ZFP64: variants seen among roughly 807,000 people sequenced by gnomAD.
ZFP64 encodes zinc finger protein 64.
In ZFP64, 14 loss-of-function variants were observed where a neutral mutation model predicts 51.6. That is an observed-to-expected ratio of 0.27 (90% CI 0.18 to 0.42). ZFP64 has a LOEUF of 0.42. ZFP64 is among the 10% of genes least tolerant of loss of function. The pLI, the probability that ZFP64 is intolerant of heterozygous loss-of-function variation, is 1.00. For synonymous variants in ZFP64, 375 were observed against 361.4 expected (o/e 1.04, Z -0.43); for missense variants, 754 against 906.8 (o/e 0.83, Z 2.16).
chr20:52,101,474 A>T (rs2079049854), intron 5 of ZFP64, among the ~76,000 whole-genome samples: 1 of 152,220 alleles, frequency 6.6e-6, no homozygotes, highest in Non-Finnish European at 1.5e-5. Flanking sequence ...GGCTCAAGCC[A>T]TCCTCCTACC....
At chr20:52,141,433 T>C (rs1289637341) in intron 5 of ZFP64, among the ~76,000 whole-genome samples, 1 of 152,158 alleles carries the variant, frequency 6.6e-6, no homozygotes, top group Admixed American at 6.5e-5. Context: ...TTCATGATTC[T>C]TGGGGGGAGG....
chr20:52,186,633 C>A lies in ZFP64; in HGVS notation c.286+199G>T, dbSNP rs568045670. On this transcript the variant is annotated intron_variant, in intron 2 of 5. Transcript: ENST00000216923. ...TTTTGTAACGTGACAACATTTATAA[C>A]TGCTAACAGTTAATGTTTTAACCTA... Among the ~76,000 whole-genome samples the A allele has an allele frequency of 3.5e-4, 53 of 151,724 alleles. No homozygotes were observed. The South Asian group carries it at 3.5e-3, about 10-fold the overall frequency.
At chr20:52,105,174 G>C (rs761296899) in intron 5 of ZFP64, 1 of 1,439,904 alleles carries the variant, frequency 6.9e-7, no homozygotes, top group Non-Finnish European at 9.0e-7. Flanking sequence ...GCACACTCCC[G>C]GCGCGCAGGC....
chr20:52,121,512 A>C (rs1011950573), intron 5 of ZFP64, among the ~76,000 whole-genome samples: 1 of 152,204 alleles, frequency 6.6e-6, no homozygotes, highest in African/African-American at 2.4e-5. Context: ...CCCTACCTCT[A>C]CTTAAGTCTA....
intron 5 of ZFP64, among the ~76,000 whole-genome samples, chr20:52,113,038 T>C (rs1978676707): frequency 6.6e-6 from 1 of 152,090 alleles, no homozygotes; most frequent in African/African-American, 2.4e-5. Context: ...CAAAGAGGTA[T>C]AAAACTAGAC....
At position 52,191,611 on chromosome 20, in the gene ZFP64, C is replaced by T; in HGVS notation, c.26G>A (p.Ser9Asn). Residue 9 changes from serine (S) to asparagine (N), a missense_variant, in exon 1 of 6, where the codon AGC (serine) becomes AAC (asparagine). Transcript: ENST00000216923. The surrounding 1 kb of genome is among the most constrained non-coding windows in gnomAD (Gnocchi z 4.3). ...CTTACTTTGCACCGAGCCCGCGAAG[C>T]TCTCGCCCTCGCTGCTCGCGTTCAT... MNASSEGESFAGSVQIPGG... is the reference protein window; with the variant it reads MNASSEGENFAGSVQIPGG... The T allele has an allele frequency of 1.3e-6, 2 of 1,590,000 alleles. No homozygotes were observed. The highest frequency in any genetic ancestry group is 1.7e-6 in the Non-Finnish European group (2 of 1,170,948).
intron 2 of ZFP64, among the ~76,000 whole-genome samples, chr20:52,182,508 CAGG>C: frequency 6.6e-6 from 1 of 152,322 alleles, no homozygotes; most frequent in Admixed American, 6.5e-5. Context: ...CATTTCAGCC[CAGG>C]AGTTCAAGAC....
At chr20:52,109,780 CA>C (rs779914417) in intron 5 of ZFP64, among the ~76,000 whole-genome samples, 971 of 46,150 alleles carry the variant, frequency 0.021, 2 homozygotes, top group East Asian at 0.061. Context: ...AATTCCACCT[CA>C]AAAAAAAAAA....
rs763350240 is a variant in ZFP64, at chr20:52,191,683, G to A, written c.-47C>T. 2.3e-5 allele frequency: 36 copies of A among 1,558,868 alleles called. No homozygotes were observed. Among genetic ancestry groups the A allele is most frequent in the Non-Finnish European group, 2.2e-5 (25 of 1,156,890 alleles). ...CGGCCGGCCGGGATGCCAAAGTGGGGGACGCTGATCTACATGGTGCAAGGA... is the reference window on the plus strand; with the variant it reads ...CGGCCGGCCGGGATGCCAAAGTGGGAGACGCTGATCTACATGGTGCAAGGA... On this transcript the variant is annotated 5_prime_UTR_variant, in exon 1 of 6. Coordinates refer to ENST00000216923, the MANE Select transcript of ZFP64 (RefSeq NM_018197.3). The surrounding 1 kb of genome is among the most constrained non-coding windows in gnomAD (Gnocchi z 4.3).
chr20:52,135,578 C>T (rs1038914854), intron 5 of ZFP64, among the ~76,000 whole-genome samples: 9 of 152,106 alleles, frequency 5.9e-5, no homozygotes, highest in African/African-American at 1.9e-4. Flanking sequence ...CATTGACGTC[C>T]TGGGCTCAAG....
downstream of ZFP64, chr20:52,151,255 T>C: frequency 1.0e-6 from 1 of 985,384 alleles, no homozygotes; most frequent in Non-Finnish European, 1.2e-6. Context: ...CCACCTTGGC[T>C]CTAAAGAATC....
At chr20:52,115,211 A>AAAAAAAAAAAAAT (rs1978800056) in intron 5 of ZFP64, among the ~76,000 whole-genome samples, 1 of 151,274 alleles carries the variant, frequency 6.6e-6, no homozygotes. Flanking sequence ...AAAAAAAAAA[A>AAAAAAAAAAAAAT]AAAAGAAACA....
At chr20:52,166,107 A>T in intron 2 of ZFP64, 82 bp from the exon 3 acceptor site, 1 of 1,410,122 alleles carries the variant, frequency 7.1e-7, no homozygotes, top group Non-Finnish European at 9.5e-7. Context: ...TTGTAGAGAG[A>T]ATGCATGTAC....
At chr20:52,182,316 T>C (rs1024203039) in intron 2 of ZFP64, among the ~76,000 whole-genome samples, 4 of 152,102 alleles carry the variant, frequency 2.6e-5, no homozygotes, top group African/African-American at 9.7e-5. Flanking sequence ...CAAACAGGAC[T>C]CCAGGACTGG....
chr20:52,151,238 C>T (rs1980776274), downstream of ZFP64: 2 of 985,264 alleles, frequency 2.0e-6, no homozygotes, highest in South Asian at 4.7e-5. Context: ...CCCATCATTC[C>T]CAAATCCCAC....
chr20:52,161,450 C>CTTTTTTTTTTTTTTTTTTTTTTTTTT (rs11469696), intron 4 of ZFP64, among the ~76,000 whole-genome samples: 1 of 115,184 alleles, frequency 8.7e-6, no homozygotes, highest in African/African-American at 3.3e-5. Context: ...TGATTGCTTT[C>CTTTTTTTTTTTTTTTTTTTTTTTTTT]TTTTTTTTTT....
At chr20:52,185,112 C>CT (rs1983865302) in intron 2 of ZFP64, among the ~76,000 whole-genome samples, 1 of 152,198 alleles carries the variant, frequency 6.6e-6, no homozygotes, top group Non-Finnish European at 1.5e-5. Flanking sequence ...CAACCTCTGC[C>CT]TCCCAGGTCC....
intron 5 of ZFP64, among the ~76,000 whole-genome samples, chr20:52,159,251 GA>G (rs1350968294): frequency 6.6e-6 from 1 of 152,132 alleles, no homozygotes; most frequent in African/African-American, 2.4e-5. Context: ...TACACCGAAA[GA>G]AAAAAGTATG....
intron 5 of ZFP64, among the ~76,000 whole-genome samples, chr20:52,123,005 TCAGA>T (rs1568665151): frequency 6.7e-6 from 1 of 149,286 alleles, no homozygotes; most frequent in African/African-American, 2.4e-5. Context: ...CTTTTTTTTT[TCAGA>T]CAGAGTCTCA....
Sources: allele counts gnomAD v4.1 joint callset (sites outside exome capture counted in the v4.1 genomes callset), GRCh38; gene constraint gnomAD v4.1.1; non-coding constraint Gnocchi (gnomAD v3.1); transcripts MANE v1.5; gene names NCBI Gene and HGNC (gene_info 2026-07-23, HGNC 2026-07-21).